Variants in RUNDC3B observed in about 807,000 individuals in gnomAD.
RUNDC3B encodes RUN domain containing 3B.
Under a neutral mutation model 58.4 loss-of-function variants are expected in RUNDC3B, and 33 were observed. That is an observed-to-expected ratio of 0.56 (90% CI 0.43 to 0.75). RUNDC3B has a LOEUF of 0.75. Ranked by LOEUF, RUNDC3B falls within the 30% of genes least tolerant of loss-of-function variation. The pLI is 0.00. For missense variants in RUNDC3B, 501 were observed against 535.7 expected, an observed-to-expected ratio of 0.94 and a Z score of 0.64; for synonymous variants, 193 against 195.2, an observed-to-expected ratio of 0.99 and a Z score of 0.10.
intron 8 of RUNDC3B, among the ~76,000 whole-genome samples, chr7:87,787,182 A>G (rs1835265646): frequency 6.6e-6 from 1 of 152,184 alleles, no homozygotes; most frequent in Non-Finnish European, 1.5e-5. Flanking sequence ...CAGCTTTAAG[A>G]AATGCAGAAC....
intron 1 of RUNDC3B, among the ~76,000 whole-genome samples, chr7:87,636,153 G>A (rs930687100): frequency 1.3e-5 from 2 of 152,172 alleles, no homozygotes; most frequent in African/African-American, 2.4e-5. Flanking sequence ...CAGTAGATGT[G>A]AAAGTTTTCA....
intron 6 of RUNDC3B, among the ~76,000 whole-genome samples, chr7:87,759,561 C>G (rs531940620): frequency 1.3e-5 from 2 of 152,096 alleles, no homozygotes; most frequent in Admixed American, 6.6e-5. Context: ...CTTTGGGAGT[C>G]TGAGGCAGGG....
At chr7:87,794,696 A>T (rs1835719691) in intron 8 of RUNDC3B, among the ~76,000 whole-genome samples, 1 of 152,092 alleles carries the variant, frequency 6.6e-6, no homozygotes, top group South Asian at 2.1e-4. Flanking sequence ...ATCTTGAACA[A>T]AAAGAACACT....
chr7:87,815,875 T>C (rs1836999498), intron 9 of RUNDC3B, among the ~76,000 whole-genome samples: 1 of 152,140 alleles, frequency 6.6e-6, no homozygotes, highest in Non-Finnish European at 1.5e-5. Context: ...TAACCATCTA[T>C]GTAATCAAAA....
At chr7:87,767,080 C>T (rs1017376173) in intron 6 of RUNDC3B, among the ~76,000 whole-genome samples, 2 of 151,960 alleles carry the variant, frequency 1.3e-5, no homozygotes, top group Middle Eastern at 3.2e-3. Flanking sequence ...TTTTTCATTT[C>T]TTCAAGTTCT....
intron 8 of RUNDC3B, among the ~76,000 whole-genome samples, chr7:87,787,788 T>C (rs1449254639): frequency 1.3e-5 from 2 of 152,228 alleles, no homozygotes; most frequent in African/African-American, 2.4e-5. Context: ...ATTCCTCTGC[T>C]TTTATATATG....
intron 4 of RUNDC3B, among the ~76,000 whole-genome samples, chr7:87,732,364 G>A (rs1211008661): frequency 6.6e-6 from 1 of 151,960 alleles, no homozygotes; most frequent in Non-Finnish European, 1.5e-5. Flanking sequence ...AAAGAGCAAA[G>A]TAAACCCAAA....
chr7:87,637,605 G>GT (rs1821911156), intron 1 of RUNDC3B, among the ~76,000 whole-genome samples: 1 of 151,874 alleles, frequency 6.6e-6, no homozygotes, highest in African/African-American at 2.4e-5. Flanking sequence ...CAATAATGTA[G>GT]TTTTGCATAT....
At chr7:87,749,461 T>C in intron 6 of RUNDC3B, among the ~76,000 whole-genome samples, 1 of 152,160 alleles carries the variant, frequency 6.6e-6, no homozygotes, top group East Asian at 1.9e-4. Flanking sequence ...AAAATGAGAA[T>C]AGAAATACCA....
At chr7:87,732,557 C>T (rs957476916) in intron 4 of RUNDC3B, among the ~76,000 whole-genome samples, 4 of 152,078 alleles carry the variant, frequency 2.6e-5, no homozygotes, top group African/African-American at 9.7e-5. Flanking sequence ...CAGCAGCCTG[C>T]AATGCAACGG....
chr7:87,771,894 T>C (rs1834307150), intron 7 of RUNDC3B, among the ~76,000 whole-genome samples: 1 of 152,168 alleles, frequency 6.6e-6, no homozygotes, highest in Admixed American at 6.5e-5. Context: ...ATTGGTACAC[T>C]GAAATATGTT....
chr7:87,628,575 G>A lies in RUNDC3B; in HGVS notation c.-249G>A. 2 of 302,096 alleles carry A rather than the reference G, an allele frequency of 6.6e-6. No homozygotes were observed. Among genetic ancestry groups the A allele is most frequent in the Non-Finnish European group, 1.1e-5 (2 of 176,582 alleles). 18.7% of individuals were successfully genotyped at this position (302,096 alleles called of 1,614,324 possible). A position where few individuals can be genotyped will look rare whatever the true frequency, so the allele number is the denominator to read the frequency against. On this transcript the variant is annotated 5_prime_UTR_variant, in exon 1 of 11. Coordinates refer to ENST00000394654, the MANE Select transcript of RUNDC3B (RefSeq NM_001134405.2). ...GCGGCGCGCCGAGGGCGGAGGTGGTGCGTGCGTGCGTGTGTGTGTGTGTGT... is the reference window on the plus strand; with the variant it reads ...GCGGCGCGCCGAGGGCGGAGGTGGTACGTGCGTGCGTGTGTGTGTGTGTGT...
intron 4 of RUNDC3B, among the ~76,000 whole-genome samples, chr7:87,711,031 A>G: frequency 6.6e-6 from 1 of 151,984 alleles, no homozygotes; most frequent in East Asian, 1.9e-4. Context: ...TTTTGCTTGT[A>G]AAGAATATAC....
intron 6 of RUNDC3B, among the ~76,000 whole-genome samples, chr7:87,768,149 G>A (rs1834076019): frequency 6.6e-6 from 1 of 152,186 alleles, no homozygotes; most frequent in Admixed American, 6.5e-5. Context: ...CCTCTAGTAG[G>A]AAAAGCCTTC....
intron 6 of RUNDC3B, among the ~76,000 whole-genome samples, chr7:87,767,547 G>A (rs1745119880): frequency 6.6e-6 from 1 of 152,198 alleles, no homozygotes; most frequent in South Asian, 2.1e-4. Flanking sequence ...CTTCTGCAAG[G>A]CTGAGAGTGT....
chr7:87,806,540 G>C (rs1187746029), intron 8 of RUNDC3B, among the ~76,000 whole-genome samples: 1 of 152,100 alleles, frequency 6.6e-6, no homozygotes, highest in African/African-American at 2.4e-5. Context: ...TAAGACCTTT[G>C]CTTTTAAATT....
At chr7:87,700,601 T>C in intron 3 of RUNDC3B, 47 bp downstream of exon 3, 1 of 1,565,964 alleles carries the variant, frequency 6.4e-7, no homozygotes, top group South Asian at 1.2e-5. Flanking sequence ...TTTCATTGCA[T>C]GTATTTGGAA....
intron 2 of RUNDC3B, among the ~76,000 whole-genome samples, chr7:87,664,202 T>A (rs191872464): frequency 5.9e-5 from 9 of 152,250 alleles, no homozygotes; most frequent in African/African-American, 1.7e-4. Flanking sequence ...GGCACACTTC[T>A]GTAGTCCAAG....
chr7:87,686,439 A>G (rs1038629444), intron 2 of RUNDC3B, among the ~76,000 whole-genome samples: 2 of 152,214 alleles, frequency 1.3e-5, no homozygotes, highest in Non-Finnish European at 2.9e-5. Context: ...GAGGCATAGA[A>G]GTACCTCAAA....
Sources: gnomAD v4.1 joint callset for allele counts (sites outside exome capture counted in the v4.1 genomes callset) on GRCh38, gnomAD v4.1.1 for gene constraint, MANE v1.5 for transcripts, NCBI Gene and HGNC (gene_info 2026-07-23, HGNC 2026-07-21) for gene names.